CYRIB: variants seen among roughly 807,000 people sequenced by gnomAD.
CYRIB encodes the protein CYFIP related Rac1 interactor B, also known as CYFIP-related Rac1 interactor B.
CYRIB carries 8 observed loss-of-function variants against 44.2 expected under a neutral mutation model. The ratio of observed to expected loss-of-function variants is 0.18; its 90% confidence interval spans 0.11 to 0.33. The LOEUF is 0.33. CYRIB is among the 10% of genes least tolerant of loss of function. CYRIB has a pLI of 1.00. For missense variants in CYRIB, 185 were observed against 382.8 expected (o/e 0.48, Z 4.31); for synonymous variants, 131 against 127.2 (o/e 1.03, Z -0.20).
chr8:129,984,285 C>A (rs933242358), intron 1 of CYRIB, among the ~76,000 whole-genome samples: 1 of 152,238 alleles, frequency 6.6e-6, no homozygotes, highest in Non-Finnish European at 1.5e-5. Flanking sequence ...GATGGCTGAG[C>A]ACTTTCCAGT....
intron 2 of CYRIB, among the ~76,000 whole-genome samples, chr8:129,881,387 G>T (rs1323038300): frequency 6.6e-6 from 1 of 152,016 alleles, no homozygotes; most frequent in African/African-American, 2.4e-5. Context: ...TGTAAATAAG[G>T]CAAAACATAA....
chr8:129,917,882 G>A (rs2136844375), intron 1 of CYRIB, among the ~76,000 whole-genome samples: 1 of 152,198 alleles, frequency 6.6e-6, no homozygotes, highest in East Asian at 1.9e-4. Context: ...TCATTTTTAT[G>A]TATTGTTAAA....
intron 1 of CYRIB, among the ~76,000 whole-genome samples, chr8:129,907,764 G>A (rs2076179238): frequency 6.6e-6 from 1 of 152,142 alleles, no homozygotes; most frequent in African/African-American, 2.4e-5. Context: ...CCCTTTGAGA[G>A]GCCAAGGTGG....
At chr8:129,858,645 C>T (rs904194794) in intron 5 of CYRIB, among the ~76,000 whole-genome samples, 10 of 152,074 alleles carry the variant, frequency 6.6e-5, no homozygotes, top group Non-Finnish European at 1.2e-4. Flanking sequence ...CCACAATTAA[C>T]GGTGGGCATT....
intron 5 of CYRIB, among the ~76,000 whole-genome samples, chr8:129,860,177 G>T (rs912397647): frequency 1.1e-4 from 16 of 152,226 alleles, no homozygotes; most frequent in Admixed American, 3.9e-4. Context: ...CCCATGATGG[G>T]ACACACACCA....
At chr8:129,891,071 T>G (rs1202468798) in intron 2 of CYRIB, among the ~76,000 whole-genome samples, 2 of 152,146 alleles carry the variant, frequency 1.3e-5, no homozygotes, top group African/African-American at 2.4e-5. Flanking sequence ...AGCTCTAGCT[T>G]CTTGTGGAAC....
intron 4 of CYRIB, among the ~76,000 whole-genome samples, chr8:129,869,018 C>T (rs1264759921): frequency 8.4e-6 from 1 of 118,554 alleles, no homozygotes; most frequent in East Asian, 2.4e-4. Flanking sequence ...GCCAACAGAG[C>T]GAAACCCCAT....
At chr8:129,884,252 G>A (rs974130826) in intron 2 of CYRIB, among the ~76,000 whole-genome samples, 9 of 151,962 alleles carry the variant, frequency 5.9e-5, no homozygotes, top group African/African-American at 1.7e-4. Flanking sequence ...TCTAAGTTTC[G>A]GATGAATAAA....
rs1388566354 is a variant in CYRIB, at chr8:129,850,656, G to GTTAC, written c.713+175_713+178dup. 3 of 615,378 alleles carry GTTAC rather than the reference G, an allele frequency of 4.9e-6. No individual in the cohort carries two copies. The African/African-American group carries it at 5.6e-5, about 12-fold the overall frequency. The allele number at this position is 615,378 out of a possible 1,614,324, so 38.1% of individuals were successfully genotyped here. A position where few individuals can be genotyped will look rare whatever the true frequency, so the allele number is the denominator to read the frequency against. Reference sequence around the variant, plus strand: ...AACTCTATTTTATACTTAACCAGAAGTTACGTTAAATAGCCAAATTATTTT... The same window carrying GTTAC: ...AACTCTATTTTATACTTAACCAGAAGTTACTTACGTTAAATAGCCAAATTATTTT... On this transcript the variant is annotated intron_variant, in intron 9 of 11. Coordinates refer to ENST00000519824, the Ensembl canonical transcript of CYRIB.
Position 129,849,234 on chromosome 8 carries a change from A to G in CYRIB, c.840+9T>C. The stretch of plus-strand genomic sequence containing the variant: ...CGTTTGAAATTATTTATATAAAACA[A>G]TAACTTACATCAATTTTGGAAGTTT... On this transcript the variant is annotated intron_variant, in intron 10 of 11. Coordinates refer to ENST00000519824, the Ensembl canonical transcript of CYRIB. The G allele has an allele frequency of 1.3e-6, 2 of 1,587,488 alleles. No homozygotes were observed.
chr8:129,894,894 T>A (rs2067148293), intron 2 of CYRIB, among the ~76,000 whole-genome samples: 2 of 151,336 alleles, frequency 1.3e-5, no homozygotes, highest in South Asian at 4.2e-4. Context: ...CCACTCTTTT[T>A]TCAAACTGAG....
chr8:129,963,880 G>A (rs916891363), intron 2 of CYRIB, among the ~76,000 whole-genome samples: 4 of 152,174 alleles, frequency 2.6e-5, no homozygotes, highest in East Asian at 1.9e-4. Context: ...GATTCCATAC[G>A]CTTAAATTTT....
At chr8:129,906,139 A>G (rs1032347385) in intron 1 of CYRIB, among the ~76,000 whole-genome samples, 14 of 152,072 alleles carry the variant, frequency 9.2e-5, no homozygotes, top group Non-Finnish European at 1.3e-4. Flanking sequence ...AGCCCGCATC[A>G]CCAAGTCAAT....
upstream of CYRIB, among the ~76,000 whole-genome samples, chr8:129,941,256 C>T (rs1242733720): frequency 6.8e-6 from 1 of 146,954 alleles, no homozygotes; most frequent in East Asian, 2.0e-4. Context: ...TGGTCAATTT[C>T]AATGAAACTG....
exon 12 of CYRIB, chr8:129,841,720 T>G (rs1478321437): frequency 1.3e-5 from 2 of 156,374 alleles, no homozygotes; most frequent in Non-Finnish European, 2.8e-5. Flanking sequence ...CATTTTCATT[T>G]TGGTTGCACA....
chr8:129,965,744 T>C (rs1050678902), intron 2 of CYRIB, among the ~76,000 whole-genome samples: 48 of 150,998 alleles, frequency 3.2e-4, no homozygotes, highest in Middle Eastern at 3.5e-3. Context: ...TGCAGTGAGC[T>C]GAGATCGCGC....
intron 1 of CYRIB, among the ~76,000 whole-genome samples, chr8:130,000,648 C>T (rs1345988794): frequency 1.3e-5 from 2 of 152,064 alleles, no homozygotes; most frequent in Admixed American, 6.6e-5. Context: ...GCCAAGACTG[C>T]ACCACTGCAC....
chr8:129,909,025 A>C (rs1979477), intron 1 of CYRIB, among the ~76,000 whole-genome samples: 87,828 of 151,918 alleles, frequency 0.58, 26,231 homozygotes, highest in African/African-American at 0.73. Context: ...CTCCTAGCCT[A>C]AAGCAATCCC....
intron 3 of CYRIB, among the ~76,000 whole-genome samples, chr8:129,878,446 T>C (rs2059873656): frequency 6.6e-6 from 1 of 152,202 alleles, no homozygotes; most frequent in Non-Finnish European, 1.5e-5. Context: ...ATTTGTTTTG[T>C]TTTTAAAATC....
Sources: gnomAD v4.1 joint callset for allele counts (sites outside exome capture counted in the v4.1 genomes callset) on GRCh38, gnomAD v4.1.1 for gene constraint, MANE v1.5 for transcripts, NCBI Gene and HGNC (gene_info 2026-07-23, HGNC 2026-07-21) for gene names.